Variants in EFCAB11 observed in about 807,000 individuals in gnomAD.
The protein encoded by EFCAB11 is EF-hand calcium-binding domain-containing protein 11.
In EFCAB11, 14 loss-of-function variants were observed where a neutral mutation model predicts 23.0. That is an observed-to-expected ratio of 0.61 (90% CI 0.40 to 0.95). The LOEUF (loss-of-function observed/expected upper bound fraction) is 0.95. Ranked by LOEUF, EFCAB11 falls within the 40% of genes least tolerant of loss-of-function variation. EFCAB11 has a pLI of 0.00. For missense variants in EFCAB11, 198 were observed against 195.8 expected, an observed-to-expected ratio of 1.01 and a Z score of -0.07; for synonymous variants, 65 against 66.6, an observed-to-expected ratio of 0.98 and a Z score of 0.11.
intron 5 of EFCAB11, among the ~76,000 whole-genome samples, chr14:89,815,994 A>G (rs1464212929): frequency 6.6e-6 from 1 of 152,224 alleles, no homozygotes; most frequent in African/African-American, 2.4e-5. Flanking sequence ...ACATTTTCAC[A>G]ATATTAATCC....
At chr14:89,855,123 C>T (rs981394422) in intron 5 of EFCAB11, among the ~76,000 whole-genome samples, 5 of 151,654 alleles carry the variant, frequency 3.3e-5, no homozygotes, top group African/African-American at 1.2e-4. Flanking sequence ...GAATGAAGAA[C>T]ATCAGGTAAT....
At chr14:89,835,516 G>A (rs1887044253) in intron 5 of EFCAB11, among the ~76,000 whole-genome samples, 1 of 151,450 alleles carries the variant, frequency 6.6e-6, no homozygotes, top group African/African-American at 2.4e-5. Flanking sequence ...TTCCACTTGT[G>A]GCGTCAGATC....
At chr14:89,845,024 T>A (rs1250778567) in intron 5 of EFCAB11, among the ~76,000 whole-genome samples, 3 of 152,210 alleles carry the variant, frequency 2.0e-5, no homozygotes, top group Non-Finnish European at 4.4e-5. Flanking sequence ...TAGGAATATA[T>A]CTAACATTAA....
chr14:89,937,619 G>C (rs1245678670), intron 3 of EFCAB11, among the ~76,000 whole-genome samples: 1 of 152,086 alleles, frequency 6.6e-6, no homozygotes, highest in Non-Finnish European at 1.5e-5. Context: ...TCCACCTCCT[G>C]GGTTCAAGCG....
At chr14:89,875,106 C>G (rs865962901) in intron 5 of EFCAB11, among the ~76,000 whole-genome samples, 3 of 152,224 alleles carry the variant, frequency 2.0e-5, no homozygotes, top group Non-Finnish European at 1.5e-5. Flanking sequence ...CTGAATGCCA[C>G]TTGTCCCTCT....
chr14:89,916,592 A>G (rs933956725), intron 5 of EFCAB11, among the ~76,000 whole-genome samples: 4 of 152,238 alleles, frequency 2.6e-5, no homozygotes, highest in African/African-American at 7.2e-5. Flanking sequence ...AATTCAACAC[A>G]TAATTTGAAC....
intron 5 of EFCAB11, among the ~76,000 whole-genome samples, chr14:89,904,093 C>T (rs528335142): frequency 1.8e-4 from 27 of 152,050 alleles, no homozygotes; most frequent in African/African-American, 6.0e-4. Context: ...TCGTCATTTA[C>T]ATTAGGTATT....
At chr14:89,938,988 A>G (rs1890692581) in intron 3 of EFCAB11, among the ~76,000 whole-genome samples, 1 of 149,200 alleles carries the variant, frequency 6.7e-6, no homozygotes, top group East Asian at 1.9e-4. Flanking sequence ...AAAAAAAAAA[A>G]CCAGTTACAG....
At chr14:89,816,560 C>A (rs1170888650) in intron 5 of EFCAB11, among the ~76,000 whole-genome samples, 5 of 152,098 alleles carry the variant, frequency 3.3e-5, no homozygotes, top group African/African-American at 1.2e-4. Flanking sequence ...TAAAATAAAG[C>A]ATACATTCCT....
intron 3 of EFCAB11, among the ~76,000 whole-genome samples, chr14:89,938,590 A>C (rs1890674397): frequency 6.6e-6 from 1 of 152,020 alleles, no homozygotes; most frequent in African/African-American, 2.4e-5. Context: ...TAATGGAAGA[A>C]ATCAAGTTTT....
intron 5 of EFCAB11, among the ~76,000 whole-genome samples, chr14:89,875,322 A>G (rs1226770840): frequency 6.6e-6 from 1 of 152,164 alleles, no homozygotes; most frequent in Non-Finnish European, 1.5e-5. Flanking sequence ...CCATGATTCC[A>G]TTACCTCCCA....
chr14:89,801,441 TC>T (rs1172507410), intron 5 of EFCAB11, among the ~76,000 whole-genome samples: 1 of 149,974 alleles, frequency 6.7e-6, no homozygotes, highest in Non-Finnish European at 1.5e-5. Flanking sequence ...GGATGATCCA[TC>T]CACTGAATTC....
intron 5 of EFCAB11, among the ~76,000 whole-genome samples, chr14:89,888,893 T>C (rs1888874326): frequency 6.6e-6 from 1 of 152,218 alleles, no homozygotes; most frequent in Non-Finnish European, 1.5e-5. Flanking sequence ...TCTTTGTTTA[T>C]AAAACCATGG....
intron 3 of EFCAB11, among the ~76,000 whole-genome samples, chr14:89,942,180 C>T (rs893887761): frequency 6.6e-6 from 1 of 152,166 alleles, no homozygotes; most frequent in Non-Finnish European, 1.5e-5. Flanking sequence ...AATTAAACCT[C>T]TTTATAAATT....
intron 5 of EFCAB11, among the ~76,000 whole-genome samples, chr14:89,801,642 T>C (rs554080240): frequency 2.0e-5 from 3 of 152,358 alleles, no homozygotes; most frequent in East Asian, 1.9e-4. Flanking sequence ...GTCCATTCAG[T>C]TGAATTCCAA....
At chr14:89,871,094 T>C (rs1172669960) in intron 5 of EFCAB11, among the ~76,000 whole-genome samples, 1 of 152,204 alleles carries the variant, frequency 6.6e-6, no homozygotes, top group Non-Finnish European at 1.5e-5. Context: ...ATATGGGTCT[T>C]GAAATGTGGA....
intron 5 of EFCAB11, among the ~76,000 whole-genome samples, chr14:89,909,513 G>A (rs1052737197): frequency 9.9e-5 from 15 of 152,092 alleles, no homozygotes; most frequent in Admixed American, 4.6e-4. Context: ...CCGGGGGGGC[G>A]GACGTTGCAG....
At chr14:89,832,840 T>C (rs1886930664) in intron 5 of EFCAB11, among the ~76,000 whole-genome samples, 1 of 152,154 alleles carries the variant, frequency 6.6e-6, no homozygotes, top group East Asian at 1.9e-4. Context: ...ACTCAACGCC[T>C]ATCTCTTCAA....
intron 5 of EFCAB11, 58 bp downstream of exon 5, chr14:89,931,483 C>A: frequency 6.9e-7 from 1 of 1,443,850 alleles, no homozygotes; most frequent in East Asian, 2.3e-5. Flanking sequence ...AAGTCAAAAA[C>A]ATGTAAAAGC....
Sources: gnomAD v4.1 joint callset for allele counts (sites outside exome capture counted in the v4.1 genomes callset) on GRCh38, gnomAD v4.1.1 for gene constraint, MANE v1.5 for transcripts, NCBI Gene and HGNC (gene_info 2026-07-23, HGNC 2026-07-21) for gene names.